CDC14A: variants seen among roughly 807,000 people sequenced by gnomAD.
CDC14A encodes the protein dual specificity protein phosphatase CDC14A.
Under a neutral mutation model 74.4 loss-of-function variants are expected in CDC14A, and 53 were observed. That is an observed-to-expected ratio of 0.71 (90% CI 0.57 to 0.89). CDC14A has a LOEUF of 0.89. Ranked by LOEUF, CDC14A falls within the 40% of genes least tolerant of loss-of-function variation. The probability of loss-of-function intolerance (pLI) is 0.00; values close to 1 mark genes in which losing one functional copy is unlikely to be tolerated. For missense variants in CDC14A, 646 were observed against 713.7 expected, an observed-to-expected ratio of 0.91 and a Z score of 1.08; for synonymous variants, 247 against 258.4, an observed-to-expected ratio of 0.96 and a Z score of 0.43.
intron 3 of CDC14A, among the ~76,000 whole-genome samples, chr1:100,386,549 A>C (rs1170782460): frequency 6.6e-6 from 1 of 152,112 alleles, no homozygotes; most frequent in Non-Finnish European, 1.5e-5. Context: ...TAATCCCTGC[A>C]CTTTGGGAGG....
At chr1:100,483,344 G>A (rs1330949397) in intron 10 of CDC14A, among the ~76,000 whole-genome samples, 3 of 152,190 alleles carry the variant, frequency 2.0e-5, no homozygotes, top group Middle Eastern at 3.4e-3. Flanking sequence ...AATGATCAGC[G>A]TTTTAACCTG....
chr1:100,395,623 A>T (rs193075019), intron 4 of CDC14A, among the ~76,000 whole-genome samples: 1 of 152,202 alleles, frequency 6.6e-6, no homozygotes, highest in African/African-American at 2.4e-5. Flanking sequence ...CTTGCTTCCC[A>T]TTAATTTAGT....
At chr1:100,393,932 A>C in intron 4 of CDC14A, 1 of 220,136 alleles carries the variant, frequency 4.5e-6, no homozygotes, top group South Asian at 6.7e-5. Context: ...ACCCAGCGAG[A>C]CTCTGTTCCC....
At chr1:100,388,755 T>G (rs1657224939) in intron 3 of CDC14A, among the ~76,000 whole-genome samples, 1 of 152,216 alleles carries the variant, frequency 6.6e-6, no homozygotes, top group South Asian at 2.1e-4. Flanking sequence ...CTTACTATGT[T>G]GCCTGGGCTA....
upstream of CDC14A, among the ~76,000 whole-genome samples, chr1:100,352,003 T>C (rs868088978): frequency 4.2e-3 from 510 of 122,818 alleles, 1 homozygote; most frequent in East Asian, 6.8e-3. Context: ...TGTGTGTGTG[T>C]GCGCGCGCGC....
At chr1:100,485,198 G>C in intron 11 of CDC14A, 3 of 985,360 alleles carry the variant, frequency 3.0e-6, no homozygotes, top group Non-Finnish European at 3.6e-6. Flanking sequence ...CACTATTGTA[G>C]AGACAAGAAA....
chr1:100,372,701 C>G (rs974055285), intron 2 of CDC14A, among the ~76,000 whole-genome samples: 2 of 152,210 alleles, frequency 1.3e-5, no homozygotes, highest in Non-Finnish European at 2.9e-5. Flanking sequence ...TCTTAAACCC[C>G]TCAATAGCAT....
chr1:100,430,704 A>G (rs1258786986), intron 5 of CDC14A, among the ~76,000 whole-genome samples: 1 of 152,214 alleles, frequency 6.6e-6, no homozygotes, highest in Non-Finnish European at 1.5e-5. Flanking sequence ...ACATTGAACC[A>G]GATTTTTATT....
chr1:100,348,376 A>G, upstream of CDC14A, among the ~76,000 whole-genome samples: 1 of 152,076 alleles, frequency 6.6e-6, no homozygotes, highest in East Asian at 1.9e-4. Flanking sequence ...CTCACATCTG[A>G]ATCTTCCATC....
Position 100,352,982 on chromosome 1 carries a change from G to A in CDC14A, c.28G>A (p.Gly10Arg), listed in dbSNP as rs571098288. The A allele has an allele frequency of 1.9e-5, 30 of 1,614,092 alleles. No homozygotes were observed. The highest frequency in any genetic ancestry group is 2.5e-5 in the Non-Finnish European group (30 of 1,180,024). Residue 10 changes from glycine (G) to arginine (R), a missense_variant, in exon 1 of 16, where the codon GGG becomes AGG. Gly to Arg is a moderately radical substitution (Grantham distance 125). Transcript: ENST00000336454. The part of the protein sequence containing the change: MAAESGELI[G>R]ACEFMKDRLY... ...GGCAGCGGAGTCAGGGGAACTAATC[G>A]GGGCTTGTGAGTTCATGAAAGGTGA...
At chr1:100,513,025 A>G (rs535235715) in intron 15 of CDC14A, among the ~76,000 whole-genome samples, 1 of 152,312 alleles carries the variant, frequency 6.6e-6, no homozygotes, top group South Asian at 2.1e-4. Flanking sequence ...CATGTAGCCA[A>G]AAACCACTTG....
intron 11 of CDC14A, 80 bp from the exon 12 acceptor site, chr1:100,494,738 G>GT: frequency 1.5e-6 from 1 of 675,940 alleles, no homozygotes; most frequent in Non-Finnish European, 2.7e-6. Context: ...TGTATAAAAT[G>GT]TATCTATATA....
intron 4 of CDC14A, among the ~76,000 whole-genome samples, chr1:100,402,098 A>T (rs1050319991): frequency 2.7e-4 from 41 of 151,926 alleles, no homozygotes; most frequent in African/African-American, 9.7e-4. Flanking sequence ...TTTTAATTAG[A>T]GTTGGATCTT....
intron 2 of CDC14A, among the ~76,000 whole-genome samples, chr1:100,370,922 G>T (rs943178076): frequency 1.3e-4 from 20 of 152,058 alleles, no homozygotes; most frequent in Admixed American, 3.9e-4. Flanking sequence ...TATCCATATT[G>T]TTTCTTCCAA....
chr1:100,492,007 A>G (rs1467100019), intron 11 of CDC14A, among the ~76,000 whole-genome samples: 1 of 152,022 alleles, frequency 6.6e-6, no homozygotes, highest in African/African-American at 2.4e-5. Context: ...AGGGTGTTTA[A>G]GTAAACTTGA....
chr1:100,439,737 T>G (rs917281211), intron 5 of CDC14A, among the ~76,000 whole-genome samples, 195 bp from the exon 6 acceptor site: 1 of 152,188 alleles, frequency 6.6e-6, no homozygotes, highest in Non-Finnish European at 1.5e-5. Context: ...ATCAGCCTCT[T>G]GGATTAAAGC....
intron 10 of CDC14A, among the ~76,000 whole-genome samples, chr1:100,469,386 A>G (rs1668163417): frequency 1.3e-5 from 2 of 152,222 alleles, no homozygotes; most frequent in African/African-American, 4.8e-5. Flanking sequence ...ATCCAAGGAC[A>G]GGATCATTAC....
upstream of CDC14A, among the ~76,000 whole-genome samples, chr1:100,348,154 C>T (rs540602054): frequency 4.6e-5 from 7 of 152,122 alleles, no homozygotes; most frequent in East Asian, 1.9e-4. Flanking sequence ...TGGTGGTGCA[C>T]GCCTGTAGTC....
chr1:100,411,046 T>C (rs1200051079), intron 4 of CDC14A, among the ~76,000 whole-genome samples: 2 of 152,152 alleles, frequency 1.3e-5, no homozygotes, highest in African/African-American at 4.8e-5. Flanking sequence ...TAGGAACCGA[T>C]ACATCTTAGA....
Sources: allele counts gnomAD v4.1 joint callset (sites outside exome capture counted in the v4.1 genomes callset), GRCh38; gene constraint gnomAD v4.1.1; transcripts MANE v1.5; gene names NCBI Gene and HGNC (gene_info 2026-07-23, HGNC 2026-07-21).